Variants in VARS2 observed in about 807,000 individuals in gnomAD.
The protein encoded by VARS2 is valine--tRNA ligase, mitochondrial.
In VARS2, 105 loss-of-function variants were observed where a neutral mutation model predicts 154.1. That is an observed-to-expected ratio of 0.68 (90% CI 0.58 to 0.80). The LOEUF (loss-of-function observed/expected upper bound fraction) is 0.80, where lower values mean the gene tolerates loss of function less well. Among genes scored for constraint, VARS2 ranks in the 30% least tolerant of loss-of-function variants. The pLI, the probability that VARS2 is intolerant of heterozygous loss-of-function variation, is 0.00. For synonymous variants in VARS2, 483 were observed against 539.5 expected (o/e 0.90, Z 1.45); for missense variants, 1,157 against 1,361.4 (o/e 0.85, Z 2.36).
Position 30,919,926 on chromosome 6 carries a change from T to C in VARS2, c.1165+78T>C. 1 of 1,472,864 alleles carries C rather than the reference T, an allele frequency of 6.8e-7. No homozygotes were observed. Among genetic ancestry groups the C allele is most frequent in the Non-Finnish European group, 9.1e-7 (1 of 1,100,780 alleles). 91.2% of individuals were successfully genotyped at this position (1,472,864 alleles called of 1,614,324 possible). On this transcript the variant is annotated intron_variant, in intron 12 of 29. Coordinates refer to ENST00000676266, the MANE Select transcript of VARS2 (RefSeq NM_020442.6). The surrounding 1 kb of genome is among the most constrained non-coding windows in gnomAD (Gnocchi z 4.5). ...GAGGGAACCAGGAGGAAGAGGAAGG[T>C]GGGAGTGGGAGATCCTCATATAGGG...
At chr6:30,923,303 AAGG>A (rs765964763) in intron 24 of VARS2, 47 bp from the exon 25 acceptor site, 5 of 1,606,492 alleles carry the variant, frequency 3.1e-6, no homozygotes, top group Non-Finnish European at 4.3e-6. Context: ...TCTGGAAGGA[AAGG>A]AGGCAGGGGA....
chr6:30,915,751 G>C lies in VARS2; in HGVS notation c.390G>C (p.Arg130=), dbSNP rs1794116297. The stretch of plus-strand genomic sequence containing the variant: ...GACTTTTTTTCTTCCTCTAGGCCCG[G>C]CTGCCCCAAGCTACAGGGGAGACCT... ...EGFFKPEYQA[R]LPQATGETFS... is the part of the protein sequence containing the mutation. The change falls in exon 5 of 30, where the codon CGG becomes CGC. Residue 130 remains arginine, a synonymous_variant. Transcript: ENST00000676266. 6.2e-7 allele frequency: 1 copy of C among 1,613,146 alleles called. No homozygotes were observed. Among genetic ancestry groups the C allele is most frequent in the Non-Finnish European group, 8.5e-7 (1 of 1,179,976 alleles).
In VARS2 at chr6:30,919,715, C is replaced by T. The variant is rs763454941; in HGVS notation, c.1075-43C>T. Reference sequence around the variant, plus strand: ...CACGCCCCAGCCCAGACCCTTCCAACCCTCACAGGTGCCTGTCCTTGATCC... The same window carrying T: ...CACGCCCCAGCCCAGACCCTTCCAATCCTCACAGGTGCCTGTCCTTGATCC... On this transcript the variant is annotated intron_variant, in intron 11 of 29. Coordinates refer to ENST00000676266, the MANE Select transcript of VARS2 (RefSeq NM_020442.6). This position sits in a 1 kb window ranked among gnomAD's most constrained non-coding sequence, Gnocchi z 4.5. 3 of 1,485,268 alleles carry T rather than the reference C, an allele frequency of 2.0e-6. No individual in the cohort carries two copies. Among genetic ancestry groups the T allele is most frequent in the African/African-American group, 1.4e-5 (1 of 71,386 alleles). 92.0% of individuals were successfully genotyped at this position (1,485,268 alleles called of 1,614,324 possible).
In VARS2 at chr6:30,922,449, G is replaced by A. The variant is rs760499230; in HGVS notation, c.1933-1G>A. The stretch of plus-strand genomic sequence containing the variant: ...CTCTGTTGACCCCTCCCTGCCCCCA[G>A]GTGCTTCTTCATCCCATGGTTCGGG... On this transcript the variant is annotated splice_acceptor_variant, in intron 20 of 29. Transcript: ENST00000676266. LOFTEE classifies it high-confidence loss of function. The A allele has an allele frequency of 2.5e-6, 4 of 1,606,670 alleles. No individual in the cohort carries two copies. The highest frequency in any genetic ancestry group is 3.4e-6 in the Non-Finnish European group (4 of 1,177,204).
In VARS2 at chr6:30,926,367, G is replaced by C. The variant is rs1053126888; in HGVS notation, c.*157G>C. The C allele has an allele frequency of 1.3e-6, 1 of 757,904 alleles. No individual in the cohort carries two copies. Among genetic ancestry groups the C allele is most frequent in the African/African-American group, 1.7e-5 (1 of 57,150 alleles). The allele number at this position is 757,904 out of a possible 1,614,324, so 46.9% of individuals were successfully genotyped here. ...AGACTGGCTTGGTCGCAGTGACTGT[G>C]GTGTCCTTGAGATGCTCACATTACT... On this transcript the variant is annotated 3_prime_UTR_variant, in exon 30 of 30. Transcript: ENST00000676266.
intron 26 of VARS2, among the ~76,000 whole-genome samples, chr6:30,925,037 G>T (rs1197686207): frequency 6.6e-6 from 1 of 152,086 alleles, no homozygotes; most frequent in Non-Finnish European, 1.5e-5. Context: ...ATTTATTTTT[G>T]GTTGGCCATT....
chr6:30,924,018 G>GTGCTGC (rs9281080), intron 25 of VARS2: 1 of 427,824 alleles, frequency 2.3e-6, no homozygotes, highest in Non-Finnish European at 4.2e-6. Flanking sequence ...GTCCCAAGTG[G>GTGCTGC]TGCTGCTGCT....
At position 30,922,171 on chromosome 6, in the gene VARS2, T is replaced by C. The variant is rs774476276; in HGVS notation, c.1862T>C (p.Leu621Pro). The C allele has an allele frequency of 1.2e-6, 2 of 1,612,718 alleles. No homozygotes were observed. The highest frequency in any genetic ancestry group is 1.7e-6 in the Non-Finnish European group (2 of 1,179,930). The change falls in exon 20 of 30, where the codon CTT becomes CCT. Residue 621 changes from leucine to proline, a missense_variant. Leu to Pro is a moderately conservative substitution (Grantham distance 98, BLOSUM62 -3). Coordinates refer to ENST00000676266, the MANE Select transcript of VARS2 (RefSeq NM_020442.6). ...TCACTTTTGGAAACGGGCAGCGACCTTCTGCTGTTCTGGGTGGGCCGCATG... is the reference window on the plus strand; with the variant it reads ...TCACTTTTGGAAACGGGCAGCGACCCTCTGCTGTTCTGGGTGGGCCGCATG... ...PLSLLETGSD[L>P]LLFWVGRMVM...
In VARS2 at chr6:30,919,856, G is replaced by A. The variant is rs775352720; in HGVS notation, c.1165+8G>A. ...AGCCACATGTGGGCACGGGTGAGTGGAAGTCAGGGGAGGGAGAGAAAGTTG... is the reference window on the plus strand; with the variant it reads ...AGCCACATGTGGGCACGGGTGAGTGAAAGTCAGGGGAGGGAGAGAAAGTTG... On this transcript the variant is annotated splice_region_variant and intron_variant, in intron 12 of 29. Coordinates refer to ENST00000676266, the MANE Select transcript of VARS2 (RefSeq NM_020442.6). This position sits in a 1 kb window ranked among gnomAD's most constrained non-coding sequence, Gnocchi z 4.5. 4 of 1,555,210 alleles carry A rather than the reference G, an allele frequency of 2.6e-6. No individual in the cohort carries two copies. The highest frequency in any genetic ancestry group is 3.5e-6 in the Non-Finnish European group (4 of 1,146,880).
Position 30,924,335 on chromosome 6 carries a change from C to T in VARS2, c.2467-19C>T, listed in dbSNP as rs183366836. The stretch of plus-strand genomic sequence containing the variant: ...CTGTGGCCCTGGACCTGTCCTCTGA[C>T]CATTGGCTTCCTCTCCAGGAGGCTG... On this transcript the variant is annotated intron_variant, in intron 25 of 29. Coordinates refer to ENST00000676266, the MANE Select transcript of VARS2 (RefSeq NM_020442.6). 2,256 of 1,610,912 alleles carry T rather than the reference C, an allele frequency of 1.4e-3. 13 individuals are homozygous for T. Among genetic ancestry groups the T allele is most frequent in the Admixed American group, 6.5e-3 (390 of 60,024 alleles).
rs368598793 is a variant in VARS2, at chr6:30,916,993, T to G, written c.753+34T>G. 1.2e-6 allele frequency: 2 copies of G among 1,613,662 alleles called. No homozygotes were observed. The highest frequency in any genetic ancestry group is 1.7e-6 in the Non-Finnish European group (2 of 1,179,634). ...TCTGTGCCTTGGTCCCTGTGAGTGATGGGCGATGTTTAGGGATCTGTGTGG... is the reference window on the plus strand; with the variant it reads ...TCTGTGCCTTGGTCCCTGTGAGTGAGGGGCGATGTTTAGGGATCTGTGTGG... On this transcript the variant is annotated intron_variant, in intron 8 of 29. Transcript: ENST00000676266. This position sits in a 1 kb window ranked among gnomAD's most constrained non-coding sequence, Gnocchi z 4.0.
At chr6:30,925,428 G>A (rs761176247) in intron 27 of VARS2, 43 bp downstream of exon 27, 29 of 1,582,010 alleles carry the variant, frequency 1.8e-5, no homozygotes, top group Non-Finnish European at 2.3e-5. Context: ...TGCAGGAAAA[G>A]GGGGCTGGTG....
rs759648085 is a variant in VARS2 at position 30,920,379 on chromosome 6, G to A, written c.1340G>A (p.Ser447Asn). 1 of 1,613,446 alleles carries A rather than the reference G, an allele frequency of 6.2e-7. No individual in the cohort carries two copies. The highest frequency in any genetic ancestry group is 1.1e-5 in the South Asian group (1 of 90,962). Reference sequence around the variant, plus strand: ...CGGGAAAAGATAATGTCTGTGCTGAGTGAATGGGGCCTGTTCCGGGGCCTC... The same window carrying A: ...CGGGAAAAGATAATGTCTGTGCTGAATGAATGGGGCCTGTTCCGGGGCCTC... ...VAREKIMSVL[S>N]EWGLFRGLQN... is the part of the protein sequence containing the mutation. The change falls in exon 14 of 30, where the codon AGT becomes AAT. Residue 447 changes from serine to asparagine, a missense_variant. Ser to Asn is a conservative substitution (Grantham distance 46, BLOSUM62 1). Coordinates refer to ENST00000676266, the MANE Select transcript of VARS2 (RefSeq NM_020442.6). The surrounding 1 kb of genome is among the most constrained non-coding windows in gnomAD (Gnocchi z 4.6).
chr6:30,916,330 T>C lies in VARS2; in HGVS notation c.671+81T>C. The C allele has an allele frequency of 4.9e-6, 6 of 1,216,846 alleles. No individual in the cohort carries two copies. In the South Asian group the frequency reaches 9.0e-5, roughly 18 times the overall value. 75.4% of individuals were successfully genotyped at this position (1,216,846 alleles called of 1,614,324 possible). On this transcript the variant is annotated intron_variant, in intron 7 of 29. Transcript: ENST00000676266. The surrounding 1 kb of genome is among the most constrained non-coding windows in gnomAD (Gnocchi z 4.0). ...TCCCACCACTATCACTCCTGACTTG[T>C]AATCCTTGGCTCTTCCCGACACAGC...
chr6:30,919,467 G>C lies in VARS2; in HGVS notation c.1075-291G>C. 3.4e-6 allele frequency: 1 copy of C among 290,360 alleles called. No individual in the cohort carries two copies. Among genetic ancestry groups the C allele is most frequent in the Non-Finnish European group, 6.3e-6 (1 of 157,670 alleles). The allele number at this position is 290,360 out of a possible 1,614,324, so 18.0% of individuals were successfully genotyped here. On this transcript the variant is annotated intron_variant, in intron 11 of 29. Transcript: ENST00000676266. The surrounding 1 kb of genome is among the most constrained non-coding windows in gnomAD (Gnocchi z 4.5). ...CCCAAAGTGCTGGGATTACAGGCGT[G>C]AGCCGCCGCGCCTGGCTGCTTGCAG... is the stretch of plus-strand genomic sequence containing the variant.
Position 30,915,986 on chromosome 6 carries a change from G to T in VARS2, c.512G>T (p.Arg171Leu), listed in dbSNP as rs763869786. The T allele has an allele frequency of 4.3e-6, 7 of 1,614,004 alleles. No individual in the cohort carries two copies. The highest frequency in any genetic ancestry group is 5.9e-6 in the Non-Finnish European group (7 of 1,179,894). The change falls in exon 6 of 30, where the codon CGG becomes CTG. Residue 171 changes from arginine to leucine, a missense_variant. Arg to Leu is a moderately radical substitution (Grantham distance 102). Coordinates refer to ENST00000676266, the MANE Select transcript of VARS2 (RefSeq NM_020442.6). ...AIQDALVRWH[R>L]MRGDQVLWVP... The stretch of plus-strand genomic sequence containing the variant: ...GGAGGGCATTTTTGTTGCAGGCACC[G>T]GATGCGTGGGGATCAAGTGCTGTGG...
chr6:30,919,818 G>A lies in VARS2; in HGVS notation c.1135G>A (p.Asp379Asn). 5 of 1,594,502 alleles carry A rather than the reference G, an allele frequency of 3.1e-6. No homozygotes were observed. The highest frequency in any genetic ancestry group is 4.3e-6 in the Non-Finnish European group (5 of 1,166,668). The change falls in exon 12 of 30, where the codon GAC becomes AAC. Residue 379 changes from aspartate to asparagine, a missense_variant. By Grantham distance (23) the Asp-to-Asn change is conservative (BLOSUM62 1). Transcript: ENST00000676266. This position sits in a 1 kb window ranked among gnomAD's most constrained non-coding sequence, Gnocchi z 4.5. Reference sequence around the variant, plus strand: ...GGGGCAGCCTCTTCCCCTCATCACAGACTATGCTGTTCAGCCACATGTGGG... The same window carrying A: ...GGGGCAGCCTCTTCCCCTCATCACAAACTATGCTGTTCAGCCACATGTGGG... ...LMGQPLPLIT[D>N]YAVQPHVGTG...
At chr6:30,915,899 T>G (rs752354774) in intron 5 of VARS2, 32 bp downstream of exon 5, 1 of 1,613,888 alleles carries the variant, frequency 6.2e-7, no homozygotes, top group Admixed American at 1.7e-5. Flanking sequence ...CTTGAGTTCT[T>G]GGAAGGGAAA....
In VARS2 at chr6:30,921,659, G is replaced by T. The variant is rs768498360; in HGVS notation, c.1703G>T (p.Gly568Val). 1.9e-6 allele frequency: 3 copies of T among 1,608,404 alleles called. No homozygotes were observed. In the South Asian group the frequency reaches 3.3e-5, roughly 18 times the overall value. ...AGAGAGGTAGCAGCGGAACTGACAG[G>T]GAGGCCAGGGGCAGAGCTGACCCTG... ...EAREVAAELTGRPGAELTLER... is the reference protein window; with the variant it reads ...EAREVAAELTVRPGAELTLER... Residue 568 changes from glycine to valine, a missense_variant, in exon 18 of 30, where the codon GGG becomes GTG. Coordinates refer to ENST00000676266, the MANE Select transcript of VARS2 (RefSeq NM_020442.6). This position sits in a 1 kb window ranked among gnomAD's most constrained non-coding sequence, Gnocchi z 4.6.
Sources: gnomAD v4.1 joint callset for allele counts (sites outside exome capture counted in the v4.1 genomes callset) on GRCh38, gnomAD v4.1.1 for gene constraint, Gnocchi (gnomAD v3.1) non-coding constraint, MANE v1.5 for transcripts, NCBI Gene and HGNC (gene_info 2026-07-23, HGNC 2026-07-21) for gene names.